The following KLHL29 variants were observed in gnomAD, a reference collection of about 807,000 sequenced individuals.
KLHL29 encodes kelch-like protein 29.
A neutral mutation model predicts 80.4 loss-of-function variants in KLHL29; 21 were observed. The ratio of observed to expected loss-of-function variants is 0.26; its 90% confidence interval spans 0.19 to 0.38. KLHL29 has a LOEUF of 0.38. Among genes scored for constraint, KLHL29 ranks in the 10% least tolerant of loss-of-function variants. KLHL29 has a pLI of 1.00. For missense variants in KLHL29, 867 were observed against 1,223.9 expected (o/e 0.71, Z 4.35); for synonymous variants, 511 against 526.8 (o/e 0.97, Z 0.41).
chr2:23,706,333 G>A, intron 13 of KLHL29, 148 bp from the exon 14 acceptor site: 1 of 566,872 alleles, frequency 1.8e-6, no homozygotes, highest in East Asian at 3.5e-5. Context: ...TGCCAGCCCA[G>A]GTTAGAGGGC....
At chr2:23,706,303 G>A (rs1373294149) in intron 13 of KLHL29, among the ~76,000 whole-genome samples, 178 bp from the exon 14 acceptor site, 1 of 152,198 alleles carries the variant, frequency 6.6e-6, no homozygotes. Flanking sequence ...ACTGGCCCTG[G>A]AGGACAGGTG....
intron 2 of KLHL29, among the ~76,000 whole-genome samples, chr2:23,495,974 G>GC (rs1187178590): frequency 6.6e-6 from 1 of 152,206 alleles, no homozygotes; most frequent in Non-Finnish European, 1.5e-5. Context: ...AGTTGCTGCC[G>GC]AATTGGCCAG....
intron 1 of KLHL29, among the ~76,000 whole-genome samples, chr2:23,474,868 T>C (rs1664589942): frequency 6.6e-6 from 1 of 152,166 alleles, no homozygotes; most frequent in Non-Finnish European, 1.5e-5. Flanking sequence ...GTAATGACAG[T>C]CGTGCGTTTT....
chr2:23,385,989 AG>A lies in KLHL29; in HGVS notation c.-154+214del, dbSNP rs1041486395. The stretch of plus-strand genomic sequence containing the variant: ...GGAGCCCTTGCGCCTGCGCTGCTCC[AG>A]GGGGAAAAAAAGGGGGGGAAAAAAC... On this transcript the variant is annotated intron_variant, in intron 1 of 13. Coordinates refer to ENST00000486442, the MANE Select transcript of KLHL29 (RefSeq NM_052920.2). 2.0e-5 allele frequency among the ~76,000 whole-genome samples: 3 copies of A among 151,930 alleles called. No individual in the cohort carries two copies. In the South Asian group the frequency reaches 6.2e-4, roughly 32 times the overall value.
chr2:23,630,735 G>A (rs1669447228), intron 3 of KLHL29, among the ~76,000 whole-genome samples: 1 of 152,104 alleles, frequency 6.6e-6, no homozygotes, highest in African/African-American at 2.4e-5. Flanking sequence ...TGATCCACCT[G>A]CCTCAGCCTC....
chr2:23,681,233 G>A lies in KLHL29; in HGVS notation c.941-3166G>A, dbSNP rs539953696. Among the ~76,000 whole-genome samples the A allele has an allele frequency of 1.3e-5, 2 of 152,352 alleles. No individual in the cohort carries two copies. Among genetic ancestry groups the A allele is most frequent in the South Asian group, 2.1e-4 (1 of 4,830 alleles). On this transcript the variant is annotated intron_variant, in intron 5 of 13. Coordinates refer to ENST00000486442, the MANE Select transcript of KLHL29 (RefSeq NM_052920.2). The surrounding 1 kb of genome is among the most constrained non-coding windows in gnomAD (Gnocchi z 4.2). ...TGGGGCCTGCTGGGAATCCCCTGGTGAGCACTTTCATAAATTGAAAAATTC... is the reference window on the plus strand; with the variant it reads ...TGGGGCCTGCTGGGAATCCCCTGGTAAGCACTTTCATAAATTGAAAAATTC...
chr2:23,576,027 G>A (rs1039657855), intron 3 of KLHL29, among the ~76,000 whole-genome samples: 4 of 152,220 alleles, frequency 2.6e-5, no homozygotes, highest in South Asian at 2.1e-4. Flanking sequence ...GAGGGGGGCC[G>A]CGCCCAGTGG....
At chr2:23,403,738 T>A (rs914628853) in intron 1 of KLHL29, among the ~76,000 whole-genome samples, 213 of 150,942 alleles carry the variant, frequency 1.4e-3, no homozygotes, top group African/African-American at 4.8e-3. Context: ...TGTGTGTGTG[T>A]GTGTGTGTGT....
At chr2:23,652,951 G>A (rs1474489502) in intron 5 of KLHL29, among the ~76,000 whole-genome samples, 3 of 152,100 alleles carry the variant, frequency 2.0e-5, no homozygotes, top group Non-Finnish European at 2.9e-5. Context: ...GGGAGCAAGC[G>A]AACTTTCTGA....
intron 1 of KLHL29, among the ~76,000 whole-genome samples, chr2:23,386,288 G>A (rs1433553352): frequency 6.6e-6 from 1 of 152,186 alleles, no homozygotes; most frequent in East Asian, 1.9e-4. Flanking sequence ...CCAGGTTGGG[G>A]TTTTCTGCCC....
At chr2:23,587,741 C>T (rs1286017102) in intron 3 of KLHL29, among the ~76,000 whole-genome samples, 1 of 152,184 alleles carries the variant, frequency 6.6e-6, no homozygotes, top group Non-Finnish European at 1.5e-5. Flanking sequence ...AAGGAAGCAC[C>T]ACTTCTCCAT....
chr2:23,645,343 A>G (rs555586278), intron 5 of KLHL29, among the ~76,000 whole-genome samples: 8 of 152,040 alleles, frequency 5.3e-5, no homozygotes, highest in Non-Finnish European at 1.2e-4. Context: ...GCCCCTAGGG[A>G]TTTTACATCT....
At chr2:23,530,395 C>A (rs1462142319) in intron 2 of KLHL29, among the ~76,000 whole-genome samples, 1 of 152,178 alleles carries the variant, frequency 6.6e-6, no homozygotes, top group Admixed American at 6.5e-5. Context: ...TAACTAATTA[C>A]TCTAATGATC....
At chr2:23,663,041 G>A (rs1670456322) in intron 5 of KLHL29, among the ~76,000 whole-genome samples, 1 of 152,206 alleles carries the variant, frequency 6.6e-6, no homozygotes, top group Non-Finnish European at 1.5e-5. Context: ...AGGATTCCAA[G>A]AGTGGATCTC....
intron 2 of KLHL29, among the ~76,000 whole-genome samples, chr2:23,477,706 GA>G (rs1664676481): frequency 6.6e-6 from 1 of 152,248 alleles, no homozygotes; most frequent in African/African-American, 2.4e-5. Context: ...TTGGGTCAGA[GA>G]AGGGGAGTTG....
intron 3 of KLHL29, among the ~76,000 whole-genome samples, chr2:23,630,612 G>T (rs1183700411): frequency 1.3e-5 from 2 of 152,040 alleles, no homozygotes; most frequent in Non-Finnish European, 1.5e-5. Flanking sequence ...GTCTCCCCAA[G>T]TAGCTAGGAC....
At chr2:23,627,646 C>G (rs1669350248) in intron 3 of KLHL29, among the ~76,000 whole-genome samples, 1 of 152,180 alleles carries the variant, frequency 6.6e-6, no homozygotes, top group African/African-American at 2.4e-5. Context: ...CTCTTTGTCT[C>G]GCTGCCCCTC....
chr2:23,656,303 C>T (rs932087387), intron 5 of KLHL29, among the ~76,000 whole-genome samples: 4 of 152,132 alleles, frequency 2.6e-5, no homozygotes, highest in Non-Finnish European at 5.9e-5. Flanking sequence ...GTGGGCTGTG[C>T]GCCAATGATG....
intron 2 of KLHL29, among the ~76,000 whole-genome samples, chr2:23,520,997 C>G (rs1026182600): frequency 2.6e-5 from 4 of 151,224 alleles, no homozygotes; most frequent in East Asian, 1.9e-4. Context: ...AGACCACCCC[C>G]CCCCCCGCTC....
Sources: gnomAD v4.1 joint callset for allele counts (sites outside exome capture counted in the v4.1 genomes callset) on GRCh38, gnomAD v4.1.1 for gene constraint, Gnocchi (gnomAD v3.1) non-coding constraint, MANE v1.5 for transcripts, NCBI Gene and HGNC (gene_info 2026-07-23, HGNC 2026-07-21) for gene names.